ITPR3: variants seen among roughly 807,000 people sequenced by gnomAD.
The protein encoded by ITPR3 is inositol 1,4,5-trisphosphate receptor type 3.
ITPR3 carries 173 observed loss-of-function variants against 293.2 expected under a neutral mutation model. The observed-to-expected ratio is 0.59, with a 90% CI of 0.52 to 0.67. ITPR3 has a LOEUF of 0.67. ITPR3 is among the 30% of genes least tolerant of loss of function. The probability of loss-of-function intolerance (pLI) is 0.00; values close to 1 mark genes in which losing one functional copy is unlikely to be tolerated. For synonymous variants in ITPR3, 1,295 were observed against 1,444.4 expected, an observed-to-expected ratio of 0.90 and a Z score of 2.35; for missense variants, 2,796 against 3,592.1, an observed-to-expected ratio of 0.78 and a Z score of 5.66.
In ITPR3 at chr6:33,695,858, G is replaced by A. The variant is rs769933489; in HGVS notation, c.*78G>A. ...TGGGAAGAACACTGCCCCCTCCCTC[G>A]GGTTGGGTGGCCCAGCCAGCTGGCC... On this transcript the variant is annotated 3_prime_UTR_variant, in exon 58 of 58. Coordinates refer to ENST00000605930, the MANE Select transcript of ITPR3 (RefSeq NM_002224.4). 1.2e-5 allele frequency: 18 copies of A among 1,462,818 alleles called. No homozygotes were observed. The highest frequency in any genetic ancestry group is 1.4e-5 in the Non-Finnish European group (15 of 1,049,548). The allele number at this position is 1,462,818 out of a possible 1,614,324, so 90.6% of individuals were successfully genotyped here.
chr6:33,691,883 C>T lies in ITPR3; in HGVS notation c.7413C>T (p.Arg2471=), dbSNP rs768102806. The part of the protein sequence containing the change: ...CIVTVMNHGL[R]NGGGVGDILR... ...TCACTGTCATGAACCATGGGCTACGCAACGGTGGTGGCGTGGGCGACATTC... is the reference window on the plus strand; with the variant it reads ...TCACTGTCATGAACCATGGGCTACGTAACGGTGGTGGCGTGGGCGACATTC... The change falls in exon 54 of 58, where the codon CGC becomes CGT. Residue 2471 remains arginine (R), a synonymous_variant. Transcript: ENST00000605930. The surrounding 1 kb of genome is among the most constrained non-coding windows in gnomAD (Gnocchi z 4.9). 2.5e-6 allele frequency: 4 copies of T among 1,614,190 alleles called. No individual in the cohort carries two copies. Among genetic ancestry groups the T allele is most frequent in the East Asian group, 4.5e-5 (2 of 44,890 alleles).
chr6:33,662,409 C>A, intron 7 of ITPR3, 119 bp from the exon 8 acceptor site: 1 of 1,208,308 alleles, frequency 8.3e-7, no homozygotes, highest in Non-Finnish European at 1.1e-6. Context: ...TGTGCTGGCT[C>A]TGGAAGAGGG....
chr6:33,670,216 A>T lies in ITPR3; in HGVS notation c.2190-109A>T. The T allele has an allele frequency of 8.4e-7, 1 of 1,194,916 alleles. No homozygotes were observed. The highest frequency in any genetic ancestry group is 1.2e-6 in the Non-Finnish European group (1 of 829,994). 74.0% of individuals were successfully genotyped at this position (1,194,916 alleles called of 1,614,324 possible). A position where few individuals can be genotyped will look rare whatever the true frequency, so the allele number is the denominator to read the frequency against. On this transcript the variant is annotated intron_variant, in intron 18 of 57. Coordinates refer to ENST00000605930, the MANE Select transcript of ITPR3 (RefSeq NM_002224.4). The surrounding 1 kb of genome is among the most constrained non-coding windows in gnomAD (Gnocchi z 6.7). The stretch of plus-strand genomic sequence containing the variant: ...TCAGAATTGCAGCTGGCGCATCTTT[A>T]ACCTAATCCCTTTGCCACTTTACTG...
At chr6:33,676,359 C>G (rs188324357) in intron 25 of ITPR3, among the ~76,000 whole-genome samples, 3 of 152,348 alleles carry the variant, frequency 2.0e-5, no homozygotes, top group African/African-American at 4.8e-5. Context: ...GCCCAGGGAG[C>G]TTTCCTCCAT....
intron 1 of ITPR3, among the ~76,000 whole-genome samples, chr6:33,623,062 G>A (rs1429670598): frequency 6.6e-6 from 1 of 152,172 alleles, no homozygotes; most frequent in Non-Finnish European, 1.5e-5. Context: ...CAGCATTTGT[G>A]CAGGCCTCCT....
Position 33,675,873 on chromosome 6 carries a change from G to C in ITPR3, c.3282+17G>C. ...TTCAAGCAGGTGACGGGACTACCTGGCCCTGGCCCTGAGCATGAGGCCTGC... is the reference window on the plus strand; with the variant it reads ...TTCAAGCAGGTGACGGGACTACCTGCCCCTGGCCCTGAGCATGAGGCCTGC... On this transcript the variant is annotated intron_variant, in intron 25 of 57. Transcript: ENST00000605930. The surrounding 1 kb of genome is among the most constrained non-coding windows in gnomAD (Gnocchi z 5.0). The C allele has an allele frequency of 6.5e-7, 1 of 1,540,290 alleles. No homozygotes were observed.
Position 33,658,872 on chromosome 6 carries a change from A to G in ITPR3, c.528+44A>G. 1 of 1,611,010 alleles carries G rather than the reference A, an allele frequency of 6.2e-7. No individual in the cohort carries two copies. On this transcript the variant is annotated intron_variant, in intron 5 of 57. Coordinates refer to ENST00000605930, the MANE Select transcript of ITPR3 (RefSeq NM_002224.4). The surrounding 1 kb of genome is among the most constrained non-coding windows in gnomAD (Gnocchi z 6.1). ...TTGGAGGGGCCTGGTGGAACTCCCG[A>G]GGGGCTTCTGTAGGGTCTTCGGTGT...
chr6:33,694,296 T>C (rs1408253131), intron 56 of ITPR3: 4 of 156,578 alleles, frequency 2.6e-5, no homozygotes, highest in South Asian at 2.0e-4. Flanking sequence ...GAAGGAATTA[T>C]TTATCGTTTA....
chr6:33,641,669 C>T (rs1763955436), intron 2 of ITPR3, among the ~76,000 whole-genome samples: 2 of 152,130 alleles, frequency 1.3e-5, no homozygotes, highest in South Asian at 4.2e-4. Flanking sequence ...ACCTCATCCT[C>T]TCCCCCTTGC....
Position 33,683,377 on chromosome 6 carries a change from A to G in ITPR3, c.4768A>G (p.Asn1590Asp). 6.3e-7 allele frequency: 1 copy of G among 1,582,078 alleles called. No homozygotes were observed. Among genetic ancestry groups the G allele is most frequent in the Non-Finnish European group, 8.6e-7 (1 of 1,162,122 alleles). Reference sequence around the variant, plus strand: ...CACCGCCAACCAGTGGGACTACAAGAACATCATTGAGAAGCTGCAGGTGGG... The same window carrying G: ...CACCGCCAACCAGTGGGACTACAAGGACATCATTGAGAAGCTGCAGGTGGG... ...TPTANQWDYK[N>D]IIEKLQDIIT... The change falls in exon 35 of 58, where the codon AAC (asparagine) becomes GAC (aspartate). Residue 1590 changes from asparagine to aspartate, a missense_variant. Around this residue, in one of 8 missense-constraint regions of ITPR3, gnomAD observed 704 missense variants for 797.5 expected, o/e 0.88. Transcript: ENST00000605930. The surrounding 1 kb of genome is among the most constrained non-coding windows in gnomAD (Gnocchi z 4.5).
At chr6:33,678,300 G>C in intron 28 of ITPR3, 121 bp from the exon 29 acceptor site, 1 of 1,373,496 alleles carries the variant, frequency 7.3e-7, no homozygotes, top group Non-Finnish European at 1.0e-6. Context: ...TTCCCTTTAC[G>C]CTGGCCTCTT....
At position 33,685,651 on chromosome 6, in the gene ITPR3, G is replaced by A. The variant is rs766003051; in HGVS notation, c.5491G>A (p.Ala1831Thr). The change falls in exon 41 of 58, where the codon GCC becomes ACC. Residue 1831 changes from alanine to threonine, a missense_variant. Around this residue, in one of 8 missense-constraint regions of ITPR3, gnomAD observed 704 missense variants for 797.5 expected, o/e 0.88. Transcript: ENST00000605930. ...CCAGGTCTCGCCCACAGGCCGCGTG[G>A]CCTCCTTCTCGATACCTGGCTCCTC... is the stretch of plus-strand genomic sequence containing the variant. The part of the protein sequence containing the change: ...PVDPTTKGRV[A>T]SFSIPGSSSR... 3.8e-6 allele frequency: 6 copies of A among 1,585,180 alleles called. No individual in the cohort carries two copies. The highest frequency in any genetic ancestry group is 5.2e-6 in the Non-Finnish European group (6 of 1,162,402).
intron 1 of ITPR3, among the ~76,000 whole-genome samples, chr6:33,635,334 G>A (rs1229431464): frequency 6.6e-6 from 1 of 152,154 alleles, no homozygotes; most frequent in Non-Finnish European, 1.5e-5. Context: ...TCTTCCCAAT[G>A]AGATTTTAAA....
Position 33,668,970 on chromosome 6 carries a change from G to A in ITPR3, c.2007-4G>A. 2 of 1,612,746 alleles carry A rather than the reference G, an allele frequency of 1.2e-6. No individual in the cohort carries two copies. Among genetic ancestry groups the A allele is most frequent in the Non-Finnish European group, 8.5e-7 (1 of 1,179,676 alleles). On this transcript the variant is annotated splice_polypyrimidine_tract_variant and splice_region_variant and intron_variant, in intron 17 of 57. Transcript: ENST00000605930. ...CCCTGTGACAGGTTGCTGGTGGTCTGCAGGCTTCGGCCCGTGAAGGAGATG... is the reference window on the plus strand; with the variant it reads ...CCCTGTGACAGGTTGCTGGTGGTCTACAGGCTTCGGCCCGTGAAGGAGATG...
At chr6:33,648,860 C>T (rs564332600) in intron 2 of ITPR3, among the ~76,000 whole-genome samples, 3 of 151,548 alleles carry the variant, frequency 2.0e-5, no homozygotes, top group South Asian at 4.2e-4. Context: ...TTCCAAAGTA[C>T]TTGGATTACA....
intron 1 of ITPR3, among the ~76,000 whole-genome samples, chr6:33,626,840 T>C (rs568840556): frequency 5.4e-4 from 82 of 152,288 alleles, no homozygotes; most frequent in Middle Eastern, 6.8e-3. Flanking sequence ...AGTTTTGCTC[T>C]TGTTTTCCAG....
chr6:33,685,035 AG>A (rs1765187215), intron 39 of ITPR3, 92 bp downstream of exon 39: 1 of 1,416,450 alleles, frequency 7.1e-7, no homozygotes. Flanking sequence ...AAGGCCGAGG[AG>A]GGTGTGAAAG....
rs1187491194 is a variant in ITPR3 at position 33,667,318 on chromosome 6, G to T, written c.1713+28G>T. On this transcript the variant is annotated intron_variant, in intron 15 of 57. Coordinates refer to ENST00000605930, the MANE Select transcript of ITPR3 (RefSeq NM_002224.4). The surrounding 1 kb of genome is among the most constrained non-coding windows in gnomAD (Gnocchi z 4.4). The stretch of plus-strand genomic sequence containing the variant: ...GCGCCGCTGCCCTGCTGGCCCACTC[G>T]CTGGCTGCACGTTCCTTCCTCAGCA... The T allele has an allele frequency of 6.2e-7, 1 of 1,602,802 alleles. No individual in the cohort carries two copies. The highest frequency in any genetic ancestry group is 1.7e-5 in the Admixed American group (1 of 59,190).
At position 33,692,646 on chromosome 6, in the gene ITPR3, C is replaced by T; in HGVS notation, c.7459-82C>T. ...AGGGGCTGGGTCCTCAATATCACAG[C>T]CCTGGCCCCAACCTGAGTCCTATCT... On this transcript the variant is annotated intron_variant, in intron 54 of 57. Coordinates refer to ENST00000605930, the MANE Select transcript of ITPR3 (RefSeq NM_002224.4). The surrounding 1 kb of genome is among the most constrained non-coding windows in gnomAD (Gnocchi z 4.2). 7 of 1,412,528 alleles carry T rather than the reference C, an allele frequency of 5.0e-6. No individual in the cohort carries two copies. The highest frequency in any genetic ancestry group is 6.9e-6 in the Non-Finnish European group (7 of 1,019,868). 87.5% of individuals were successfully genotyped at this position (1,412,528 alleles called of 1,614,324 possible). A position where few individuals can be genotyped will look rare whatever the true frequency, so the allele number is the denominator to read the frequency against.
Sources: gnomAD v4.1 joint callset for allele counts (sites outside exome capture counted in the v4.1 genomes callset) on GRCh38, gnomAD v4.1.1 for gene constraint, gnomAD v4.1.1 regional missense constraint, Gnocchi (gnomAD v3.1) non-coding constraint, MANE v1.5 for transcripts, NCBI Gene and HGNC (gene_info 2026-07-23, HGNC 2026-07-21) for gene names.